FBN1: variants seen among roughly 807,000 people sequenced by gnomAD.
FBN1 encodes the protein fibrillin-1.
A neutral mutation model predicts 365.1 loss-of-function variants in FBN1; 29 were observed. The observed-to-expected ratio is 0.08, with a 90% confidence interval of 0.06 to 0.11. FBN1 has a LOEUF of 0.11. FBN1 is among the 10% of genes least tolerant of loss of function. The pLI, the probability that FBN1 is intolerant of heterozygous loss-of-function variation, is 1.00. For missense variants in FBN1, 2,476 were observed against 3,703.2 expected (o/e 0.67, Z 8.60); for synonymous variants, 1,210 against 1,270.5 (o/e 0.95, Z 1.01).
intron 10 of FBN1, 147 bp downstream of exon 10, chr15:48,520,512 A>T: frequency 2.2e-6 from 2 of 897,906 alleles, no homozygotes; most frequent in Non-Finnish European, 1.7e-6. Flanking sequence ...TGCATTTTCT[A>T]GGGAAATTTC....
chr15:48,644,479 T>G, intron 2 of FBN1, 127 bp downstream of exon 2: 9 of 1,338,742 alleles, frequency 6.7e-6, no homozygotes, highest in Non-Finnish European at 9.5e-6. Context: ...TAAACAACCC[T>G]AGCACCTCTA....
intron 6 of FBN1, among the ~76,000 whole-genome samples, chr15:48,548,062 CA>C (rs1331377926): frequency 6.6e-6 from 1 of 152,186 alleles, no homozygotes; most frequent in African/African-American, 2.4e-5. Flanking sequence ...AGATTCCTGA[CA>C]AAAATCAGTA....
intron 6 of FBN1, among the ~76,000 whole-genome samples, chr15:48,563,509 G>A (rs1285647276): frequency 6.6e-6 from 1 of 152,138 alleles, no homozygotes; most frequent in African/African-American, 2.4e-5. Flanking sequence ...GTGAACCACT[G>A]CAAAGCTACC....
chr15:48,416,288 T>C (rs1433635135), intron 63 of FBN1, among the ~76,000 whole-genome samples: 1 of 152,206 alleles, frequency 6.6e-6, no homozygotes, highest in Non-Finnish European at 1.5e-5. Context: ...TTTCAGGATA[T>C]GCTGATCTGG....
Position 48,489,943 on chromosome 15 carries a change from G to C in FBN1, c.2990C>G (p.Pro997Arg), listed in dbSNP as rs1284644357. ...AWGTEECEEC[P>R]MRNTPEYEEL... ...CTCGTACTCAGGAGTATTTCTCATG[G>C]GACACTCCTCGCATTCCTCAGTACC... Residue 997 changes from proline (P) to arginine (R), a missense_variant, in exon 25 of 66, where the codon CCC (proline) becomes CGC (arginine). Physicochemically the swap from Pro to Arg is moderately radical, Grantham distance 103. Around this residue, in one of 5 missense-constraint regions of FBN1, gnomAD observed 1,780 missense variants for 2,840.8 expected, o/e 0.63. Transcript: ENST00000316623. The C allele has an allele frequency of 1.2e-6, 2 of 1,614,098 alleles. No homozygotes were observed. The highest frequency in any genetic ancestry group is 2.2e-5 in the South Asian group (2 of 91,066).
chr15:48,539,766 C>T (rs1344545523), intron 6 of FBN1, among the ~76,000 whole-genome samples: 1 of 152,040 alleles, frequency 6.6e-6, no homozygotes, highest in African/African-American at 2.4e-5. Context: ...CCAGCCCTGT[C>T]TCCTGACACT....
intron 65 of FBN1, among the ~76,000 whole-genome samples, chr15:48,412,304 T>C (rs2042869925): frequency 6.6e-6 from 1 of 152,172 alleles, no homozygotes; most frequent in Non-Finnish European, 1.5e-5. Flanking sequence ...CAGCAGACTT[T>C]GGGTGGGTAT....
chr15:48,630,308 T>C (rs1228105423), intron 2 of FBN1, among the ~76,000 whole-genome samples: 3 of 152,192 alleles, frequency 2.0e-5, no homozygotes, highest in Non-Finnish European at 4.4e-5. Context: ...GTGGAAGAAT[T>C]CTTATGGACA....
rs369157930 is a variant in FBN1, at chr15:48,568,049, G to GAAAGA, written c.538+28233_538+28234insTCTTT. Among the ~76,000 whole-genome samples, 250 of 40,102 alleles carry GAAAGA rather than the reference G, an allele frequency of 6.2e-3. 1 individual carries two copies. Among genetic ancestry groups the GAAAGA allele is most frequent in the African/African-American group, 0.017 (122 of 7,308 alleles). 26.3% of individuals were successfully genotyped at this position (40,102 alleles called of 152,430 possible). A position where few individuals can be genotyped will look rare whatever the true frequency, so the allele number is the denominator to read the frequency against. On this transcript the variant is annotated intron_variant, in intron 6 of 65. Coordinates refer to ENST00000316623, the MANE Select transcript of FBN1 (RefSeq NM_000138.5). ...AGAAAGAAAGAAAGAAAGAAAGAAA[G>GAAAGA]AAGAAAGAAAGAAAGAAAGAAAGAA...
chr15:48,644,812 C>G lies in FBN1; in HGVS notation c.-43G>C. ...GGCTCCCGCCGCCTCTTGCCGCGCC[C>G]GGGGCTCGGTCTGCGGCCGCCGCTG... On this transcript the variant is annotated 5_prime_UTR_variant, in exon 2 of 66. Transcript: ENST00000316623. 1.3e-6 allele frequency: 2 copies of G among 1,586,216 alleles called. No individual in the cohort carries two copies. Among genetic ancestry groups the G allele is most frequent in the Non-Finnish European group, 1.7e-6 (2 of 1,171,024 alleles).
chr15:48,440,384 C>A (rs1187969599), intron 50 of FBN1, among the ~76,000 whole-genome samples: 1 of 152,182 alleles, frequency 6.6e-6, no homozygotes, highest in African/African-American at 2.4e-5. Context: ...GGAGTTTCCT[C>A]TGGCCTGCCA....
intron 46 of FBN1, 80 bp downstream of exon 46, chr15:48,448,688 G>A: frequency 1.5e-6 from 2 of 1,363,968 alleles, no homozygotes; most frequent in Non-Finnish European, 2.0e-6. Context: ...AAAAGACTTA[G>A]TATTAAATTT....
chr15:48,562,363 T>G (rs1285681188), intron 6 of FBN1, among the ~76,000 whole-genome samples: 3 of 152,186 alleles, frequency 2.0e-5, no homozygotes, highest in East Asian at 3.9e-4. Context: ...TGTAACACAG[T>G]AACCCACAGT....
At chr15:48,624,815 G>A (rs936349197) in intron 2 of FBN1, among the ~76,000 whole-genome samples, 4 of 152,266 alleles carry the variant, frequency 2.6e-5, no homozygotes, top group Admixed American at 1.3e-4. Flanking sequence ...AACAAGTGGT[G>A]AGGGGATTCT....
chr15:48,620,342 T>C (rs1016792032), intron 2 of FBN1, among the ~76,000 whole-genome samples: 1 of 152,204 alleles, frequency 6.6e-6, no homozygotes, highest in Non-Finnish European at 1.5e-5. Flanking sequence ...ATCACTATAT[T>C]AATCATATCT....
At chr15:48,556,717 C>A (rs2044183953) in intron 6 of FBN1, among the ~76,000 whole-genome samples, 1 of 152,150 alleles carries the variant, frequency 6.6e-6, no homozygotes, top group Non-Finnish European at 1.5e-5. Flanking sequence ...AAATTCCAAC[C>A]CTGCCCATTC....
At chr15:48,644,480 A>G in intron 2 of FBN1, 126 bp downstream of exon 2, 1 of 1,341,108 alleles carries the variant, frequency 7.5e-7, no homozygotes, top group Admixed American at 1.7e-5. Context: ...AAACAACCCT[A>G]GCACCTCTAA....
At position 48,630,214 on chromosome 15, in the gene FBN1, G is replaced by A. The variant is rs1171944266; in HGVS notation, c.164+14392C>T. On this transcript the variant is annotated intron_variant, in intron 2 of 65. Transcript: ENST00000316623. ...CTTTATGACAAACATAAACCCATCA[G>A]TTAACAAAAGATGTGTTTTGGGGGA... is the stretch of plus-strand genomic sequence containing the variant. 3.3e-5 allele frequency among the ~76,000 whole-genome samples: 5 copies of A among 152,164 alleles called. No homozygotes were observed. In the South Asian group the frequency reaches 8.3e-4, roughly 25 times the overall value.
At position 48,487,372 on chromosome 15, in the gene FBN1, T is replaced by C. The variant is rs749255004; in HGVS notation, c.3403A>G (p.Ser1135Gly). 7.4e-6 allele frequency: 12 copies of C among 1,614,070 alleles called. No individual in the cohort carries two copies. The Admixed American group carries it at 1.3e-4, about 18-fold the overall frequency. ...RGGVCHNTEG[S>G]YRCECPPGHQ... ...CCAGGCGGGCATTCACAGCGGTAAC[T>C]TCCCTCTGTGTTATGGCAAACACCA... The change falls in exon 28 of 66, where the codon AGT becomes GGT. Residue 1135 changes from serine (S) to glycine (G), a missense_variant. By Grantham distance (56) the Ser-to-Gly change is moderately conservative. Around this residue, in one of 5 missense-constraint regions of FBN1, gnomAD observed 1,780 missense variants for 2,840.8 expected, o/e 0.63. Transcript: ENST00000316623.
Sources: gnomAD v4.1 joint callset for allele counts (sites outside exome capture counted in the v4.1 genomes callset) on GRCh38, gnomAD v4.1.1 for gene constraint, gnomAD v4.1.1 regional missense constraint, MANE v1.5 for transcripts, NCBI Gene and HGNC (gene_info 2026-07-23, HGNC 2026-07-21) for gene names.